The following SSH2 variants were observed in gnomAD, a reference collection of about 807,000 sequenced individuals.
SSH2 encodes slingshot protein phosphatase 2.
A neutral mutation model predicts 135.2 loss-of-function variants in SSH2; 37 were observed. The observed-to-expected ratio is 0.27, with a 90% CI of 0.21 to 0.36. SSH2 has a LOEUF of 0.36. SSH2 is among the 10% of genes least tolerant of loss of function. SSH2 has a pLI of 1.00. For missense variants in SSH2, 1,408 were observed against 1,765.3 expected, an observed-to-expected ratio of 0.80 and a Z score of 3.63; for synonymous variants, 628 against 646.2, an observed-to-expected ratio of 0.97 and a Z score of 0.43.
chr17:29,904,268 C>G (rs2066613224), intron 1 of SSH2, among the ~76,000 whole-genome samples: 1 of 152,160 alleles, frequency 6.6e-6, no homozygotes, highest in African/African-American at 2.4e-5. Context: ...TACTGGCAAA[C>G]TGAATCCAGC....
intron 1 of SSH2, 105 bp downstream of exon 1, chr17:29,929,833 G>T: frequency 9.0e-7 from 1 of 1,109,332 alleles, no homozygotes; most frequent in Non-Finnish European, 1.3e-6. Context: ...GCCAAGGCCT[G>T]GGAAGCGGCG....
chr17:29,692,795 T>C (rs1188424713), intron 5 of SSH2, among the ~76,000 whole-genome samples: 1 of 152,234 alleles, frequency 6.6e-6, no homozygotes, highest in Non-Finnish European at 1.5e-5. Flanking sequence ...GTGTGATTCC[T>C]GGATCAGCAG....
chr17:29,820,273 T>G (rs2042629635), intron 2 of SSH2, among the ~76,000 whole-genome samples: 1 of 152,232 alleles, frequency 6.6e-6, no homozygotes, highest in South Asian at 2.1e-4. Context: ...CACCTAATTT[T>G]TGTTTCATAC....
intron 2 of SSH2, among the ~76,000 whole-genome samples, chr17:29,830,777 T>C (rs1316010258): frequency 6.6e-6 from 1 of 151,930 alleles, no homozygotes; most frequent in African/African-American, 2.4e-5. Context: ...AGTGAAGGAG[T>C]ACCCAGGCCA....
At chr17:29,803,766 A>G (rs16965216) in intron 2 of SSH2, among the ~76,000 whole-genome samples, 2,035 of 152,350 alleles carry the variant, frequency 0.013, 42 homozygotes, top group African/African-American at 0.047. Flanking sequence ...GCCTAGGGCC[A>G]TAGAGCTATT....
At chr17:29,858,471 T>A (rs1214519211) in intron 1 of SSH2, among the ~76,000 whole-genome samples, 2 of 152,158 alleles carry the variant, frequency 1.3e-5, no homozygotes, top group African/African-American at 4.8e-5. Flanking sequence ...AAACGGAGCC[T>A]TTAAAGAGTA....
intron 1 of SSH2, among the ~76,000 whole-genome samples, chr17:29,921,334 T>C (rs1462210987): frequency 6.6e-6 from 1 of 152,190 alleles, no homozygotes; most frequent in Non-Finnish European, 1.5e-5. Flanking sequence ...AATATCCCTA[T>C]GATGATGATG....
chr17:29,651,955 C>T (rs967047140), intron 12 of SSH2, among the ~76,000 whole-genome samples: 1 of 152,196 alleles, frequency 6.6e-6, no homozygotes. Flanking sequence ...CCAGCCTGGT[C>T]AAGATGGTGA....
In SSH2 at chr17:29,767,182, C is replaced by G. The variant is rs61365049; in HGVS notation, c.188+26712G>C. 3.8e-3 allele frequency among the ~76,000 whole-genome samples: 583 copies of G among 152,216 alleles called. 5 individuals are homozygous for G. Among genetic ancestry groups the G allele is most frequent in the African/African-American group, 0.013 (551 of 41,552 alleles). ...GGTGATCTCTAAGGCATTCATCCCCCCATAGTCTTAAACACCATATGCTCC... is the reference window on the plus strand; with the variant it reads ...GGTGATCTCTAAGGCATTCATCCCCGCATAGTCTTAAACACCATATGCTCC... On this transcript the variant is annotated intron_variant, in intron 3 of 15. Transcript: ENST00000540801.
intron 5 of SSH2, among the ~76,000 whole-genome samples, chr17:29,687,324 A>G (rs1341634906): frequency 1.3e-5 from 2 of 152,352 alleles, no homozygotes; most frequent in East Asian, 1.9e-4. Flanking sequence ...AAGTGGCTAC[A>G]TTAAATCTTG....
At position 29,719,519 on chromosome 17, in the gene SSH2, G is replaced by GA. The variant is rs1213436771; in HGVS notation, c.189-16458dup. On this transcript the variant is annotated intron_variant, in intron 3 of 15. Coordinates refer to ENST00000540801, the MANE Select transcript of SSH2 (RefSeq NM_001282129.2). ...GACAGAGCAAGACTCTGTCTCAAAA[G>GA]AAAAAAAAAAAAGAAAAAAAAAAGA... 1.7e-3 allele frequency among the ~76,000 whole-genome samples: 124 copies of GA among 74,352 alleles called. 1 individual carries two copies. Among genetic ancestry groups the GA allele is most frequent in the African/African-American group, 3.3e-3 (65 of 19,648 alleles). 48.8% of individuals were successfully genotyped at this position (74,352 alleles called of 152,430 possible).
intron 2 of SSH2, among the ~76,000 whole-genome samples, chr17:29,844,243 C>T (rs949082213): frequency 6.6e-6 from 1 of 152,124 alleles, no homozygotes; most frequent in African/African-American, 2.4e-5. Context: ...TATATATGAC[C>T]TTCTGCCTGT....
At chr17:29,716,393 A>G (rs1452483946) in intron 3 of SSH2, 7 of 554,186 alleles carry the variant, frequency 1.3e-5, no homozygotes, top group Non-Finnish European at 2.3e-5. Context: ...ACACACATTA[A>G]TTAGAGTGCT....
chr17:29,820,055 C>G (rs962913016), intron 2 of SSH2, among the ~76,000 whole-genome samples: 2 of 151,752 alleles, frequency 1.3e-5, no homozygotes, highest in African/African-American at 4.9e-5. Context: ...AAAAGGTGTA[C>G]TCATCTTGCT....
At chr17:29,849,855 AGT>A (rs1491480591) in intron 1 of SSH2, among the ~76,000 whole-genome samples, 1,690 of 97,004 alleles carry the variant, frequency 0.017, 11 homozygotes, top group Admixed American at 0.04. Context: ...AAAAAAAAAA[AGT>A]ATATATATAT....
At chr17:29,695,421 T>C (rs1179387602) in intron 5 of SSH2, 38 bp downstream of exon 5, 2 of 1,582,054 alleles carry the variant, frequency 1.3e-6, no homozygotes, top group South Asian at 2.2e-5. Flanking sequence ...TTAGATAGTC[T>C]TTTGAGGAAG....
intron 1 of SSH2, among the ~76,000 whole-genome samples, chr17:29,868,594 T>C (rs1235232004): frequency 6.6e-6 from 1 of 151,958 alleles, no homozygotes; most frequent in African/African-American, 2.4e-5. Context: ...AAAAATTAGC[T>C]GGGCGTGGCA....
At chr17:29,835,954 G>A (rs1372461128) in intron 2 of SSH2, among the ~76,000 whole-genome samples, 9 of 134,870 alleles carry the variant, frequency 6.7e-5, no homozygotes, top group African/African-American at 1.7e-4. Flanking sequence ...GCAAGACTTC[G>A]TCTCAAAAAA....
At chr17:29,841,056 C>A (rs1462104350) in intron 2 of SSH2, among the ~76,000 whole-genome samples, 1 of 152,088 alleles carries the variant, frequency 6.6e-6, no homozygotes, top group Non-Finnish European at 1.5e-5. Context: ...GTCAAGAAGT[C>A]AGGAAAGTGG....
Sources: gnomAD v4.1 joint callset for allele counts (sites outside exome capture counted in the v4.1 genomes callset) on GRCh38, gnomAD v4.1.1 for gene constraint, MANE v1.5 for transcripts, NCBI Gene and HGNC (gene_info 2026-07-23, HGNC 2026-07-21) for gene names.